The following KCNIP4 variants were observed in gnomAD, a reference collection of about 807,000 sequenced individuals.
KCNIP4 encodes potassium voltage-gated channel interacting protein 4, also known as Kv channel-interacting protein 4.
A neutral mutation model predicts 34.0 loss-of-function variants in KCNIP4; 12 were observed. The observed-to-expected ratio is 0.35, with a 90% confidence interval of 0.23 to 0.57. KCNIP4 has a LOEUF of 0.57. KCNIP4 is among the 20% of genes least tolerant of loss of function. The pLI is 0.83. For missense variants in KCNIP4, 238 were observed against 311.7 expected (o/e 0.76, Z 1.78); for synonymous variants, 124 against 102.2 (o/e 1.21, Z -1.29).
chr4:20,958,973 T>C (rs1384509282), intron 1 of KCNIP4, among the ~76,000 whole-genome samples: 4 of 152,152 alleles, frequency 2.6e-5, no homozygotes, highest in East Asian at 3.9e-4. Context: ...TCAAGCAAAA[T>C]TGAAATCCAA....
In KCNIP4 at chr4:21,320,964, TAA is replaced by T. The variant is rs528123961; in HGVS notation, c.62-438257_62-438256del. On this transcript the variant is annotated intron_variant, in intron 1 of 8. Transcript: ENST00000382152. Reference sequence around the variant, plus strand: ...TGGGCAATAGAGCAAGAATCTGTCTTAAAAAAAAAAAAAAAAAAGAGGAAAGT... The same window carrying T: ...TGGGCAATAGAGCAAGAATCTGTCTTAAAAAAAAAAAAAAAAGAGGAAAGT... Among the ~76,000 whole-genome samples, 42 of 102,814 alleles carry T rather than the reference TAA, an allele frequency of 4.1e-4. 1 individual carries two copies. The highest frequency in any genetic ancestry group is 9.6e-4 in the African/African-American group (21 of 21,802). 67.4% of individuals were successfully genotyped at this position (102,814 alleles called of 152,430 possible). A position where few individuals can be genotyped will look rare whatever the true frequency, so the allele number is the denominator to read the frequency against.
At chr4:21,477,636 C>T (rs538532673) in intron 1 of KCNIP4, among the ~76,000 whole-genome samples, 1 of 152,246 alleles carries the variant, frequency 6.6e-6, no homozygotes, top group Admixed American at 6.5e-5. Flanking sequence ...TTTAAGAGAG[C>T]AATAAATGAA....
chr4:21,289,597 TA>T (rs563876170), intron 1 of KCNIP4, among the ~76,000 whole-genome samples: 2 of 152,296 alleles, frequency 1.3e-5, no homozygotes, highest in African/African-American at 4.8e-5. Context: ...TAAAGTACTT[TA>T]AAAAAATGTA....
At chr4:21,591,115 G>C (rs1742184878) in intron 1 of KCNIP4, among the ~76,000 whole-genome samples, 1 of 151,780 alleles carries the variant, frequency 6.6e-6, no homozygotes, top group South Asian at 2.1e-4. Context: ...GGAAATATGG[G>C]ACAAATAGTG....
chr4:21,477,821 C>A (rs1731114217), intron 1 of KCNIP4, among the ~76,000 whole-genome samples: 1 of 152,188 alleles, frequency 6.6e-6, no homozygotes, highest in Admixed American at 6.5e-5. Context: ...CAGTCTGAAG[C>A]ATTCCCCAAG....
At chr4:21,845,717 A>G (rs939613272) in intron 1 of KCNIP4, 3 of 152,050 alleles carry the variant, frequency 2.0e-5, no homozygotes, top group African/African-American at 7.2e-5. Context: ...TTGGCACCAG[A>G]CTCACTAACT....
intron 1 of KCNIP4, among the ~76,000 whole-genome samples, chr4:21,275,189 A>G (rs1227752603): frequency 6.6e-6 from 1 of 152,168 alleles, no homozygotes; most frequent in Admixed American, 6.5e-5. Context: ...AGACGTTGAG[A>G]TCCTGACAGC....
chr4:21,501,787 AC>A (rs879810981), intron 1 of KCNIP4, among the ~76,000 whole-genome samples: 2 of 150,922 alleles, frequency 1.3e-5, no homozygotes, highest in Non-Finnish European at 2.9e-5. Context: ...AGGTTAACCA[AC>A]CTTAAATGCA....
chr4:21,670,865 C>G (rs1456564458), intron 1 of KCNIP4, among the ~76,000 whole-genome samples: 1 of 151,980 alleles, frequency 6.6e-6, no homozygotes, highest in Non-Finnish European at 1.5e-5. Context: ...ACTGTGTTAG[C>G]CAGGACGGTC....
Position 21,809,449 on chromosome 4 carries a change from C to T in KCNIP4, c.61+139122G>A, listed in dbSNP as rs544344476. 1.1e-4 allele frequency among the ~76,000 whole-genome samples: 16 copies of T among 152,270 alleles called. No individual in the cohort carries two copies. The East Asian group carries it at 2.9e-3, about 28-fold the overall frequency. On this transcript the variant is annotated intron_variant, in intron 1 of 8. Transcript: ENST00000382152. ...GATGGCAGACTGTGGAATTTCTCAG[C>T]CTCCATAATACGTGATCTAATTCCC...
intron 1 of KCNIP4, among the ~76,000 whole-genome samples, chr4:21,445,572 T>G (rs953650602): frequency 6.6e-6 from 1 of 152,210 alleles, no homozygotes; most frequent in East Asian, 1.9e-4. Flanking sequence ...GCTAGCCATA[T>G]GGAGAAAGCT....
intron 1 of KCNIP4, among the ~76,000 whole-genome samples, chr4:21,586,363 CTTA>C (rs1228557743): frequency 6.6e-6 from 1 of 151,996 alleles, no homozygotes; most frequent in Non-Finnish European, 1.5e-5. Context: ...GTTGAATAAA[CTTA>C]TGAATAAAAG....
intron 1 of KCNIP4, among the ~76,000 whole-genome samples, chr4:21,152,538 C>T (rs75495253): frequency 0.011 from 1,672 of 151,142 alleles, 29 homozygotes; most frequent in African/African-American, 0.037. Flanking sequence ...CTAATTCTTT[C>T]CACTTTTCTA....
chr4:21,936,130 G>T (rs1467921843), intron 1 of KCNIP4, among the ~76,000 whole-genome samples: 1 of 151,998 alleles, frequency 6.6e-6, no homozygotes, highest in Non-Finnish European at 1.5e-5. Context: ...ATTGAGAGAT[G>T]ACAGGGATTG....
intron 3 of KCNIP4, among the ~76,000 whole-genome samples, chr4:20,823,702 G>T (rs1391212323): frequency 6.6e-6 from 1 of 152,126 alleles, no homozygotes; most frequent in African/African-American, 2.4e-5. Context: ...CCAGAACTAT[G>T]ATCAATAAAT....
chr4:21,779,235 C>A (rs1435326358), intron 1 of KCNIP4, among the ~76,000 whole-genome samples: 1 of 151,934 alleles, frequency 6.6e-6, no homozygotes, highest in Non-Finnish European at 1.5e-5. Flanking sequence ...AGTGGTAATT[C>A]TGAAGTATAA....
chr4:21,707,145 G>A (rs1429525403), intron 1 of KCNIP4, among the ~76,000 whole-genome samples: 4 of 152,130 alleles, frequency 2.6e-5, no homozygotes, highest in South Asian at 2.1e-4. Context: ...CAAACCATAC[G>A]ATAAACATTT....
At chr4:20,813,976 T>A (rs1001442612) in intron 3 of KCNIP4, among the ~76,000 whole-genome samples, 2 of 152,204 alleles carry the variant, frequency 1.3e-5, no homozygotes, top group Admixed American at 6.5e-5. Context: ...GAAAGCCAAA[T>A]GCAGAGGTAT....
At chr4:20,857,395 T>C (rs1376895567) in intron 2 of KCNIP4, among the ~76,000 whole-genome samples, 1 of 152,170 alleles carries the variant, frequency 6.6e-6, no homozygotes, top group Non-Finnish European at 1.5e-5. Flanking sequence ...TGAGCCCTTG[T>C]TGTATGCCAG....
Sources: gnomAD v4.1 joint callset for allele counts (sites outside exome capture counted in the v4.1 genomes callset) on GRCh38, gnomAD v4.1.1 for gene constraint, MANE v1.5 for transcripts, NCBI Gene and HGNC (gene_info 2026-07-23, HGNC 2026-07-21) for gene names.